Variants in PPM1E observed in about 807,000 individuals in gnomAD.
PPM1E encodes protein phosphatase 1E.
In PPM1E, 20 loss-of-function variants were observed where a neutral mutation model predicts 65.9. That is an observed-to-expected ratio of 0.30 (90% CI 0.21 to 0.44). The LOEUF is 0.44. Among genes scored for constraint, PPM1E ranks in the 20% least tolerant of loss-of-function variants. The pLI, the probability that PPM1E is intolerant of heterozygous loss-of-function variation, is 1.00. For missense variants in PPM1E, 713 were observed against 953.1 expected (o/e 0.75, Z 3.32); for synonymous variants, 352 against 374.9 (o/e 0.94, Z 0.70).
chr17:58,761,670 T>C (rs1471573952), intron 1 of PPM1E, among the ~76,000 whole-genome samples: 2 of 152,222 alleles, frequency 1.3e-5, no homozygotes, highest in Non-Finnish European at 2.9e-5. Flanking sequence ...TTTTTAGTTC[T>C]CTGTTTAACA....
chr17:58,792,815 A>C (rs1431589307), intron 1 of PPM1E, among the ~76,000 whole-genome samples: 3 of 117,808 alleles, frequency 2.5e-5, no homozygotes, highest in African/African-American at 3.5e-5. Context: ...GTGCAGTGGC[A>C]TGATCTCAGC....
intron 1 of PPM1E, among the ~76,000 whole-genome samples, chr17:58,825,560 TTTGTTGTTG>T (rs529746618): frequency 8.0e-4 from 121 of 152,110 alleles, no homozygotes; most frequent in African/African-American, 2.7e-3. Context: ...TCTGTTGTTT[TTTGTTGTTG>T]TTGTTGTTGT....
chr17:58,798,391 A>AT (rs1430067361), intron 1 of PPM1E, among the ~76,000 whole-genome samples: 11 of 151,014 alleles, frequency 7.3e-5, no homozygotes, highest in African/African-American at 2.2e-4. Context: ...ACCACGCCTA[A>AT]TTTTTTTATT....
rs1280493617 is a variant in PPM1E at position 58,972,283 on chromosome 17, T to C, written c.1116+8T>C. ...CACAAACCAGACAGAGAGGTAAGTATGGTCTGTTTTAATAGAGCCCATGCT... is the reference window on the plus strand; with the variant it reads ...CACAAACCAGACAGAGAGGTAAGTACGGTCTGTTTTAATAGAGCCCATGCT... On this transcript the variant is annotated splice_region_variant and intron_variant, in intron 5 of 6. Transcript: ENST00000308249. 1 of 1,613,314 alleles carries C rather than the reference T, an allele frequency of 6.2e-7. No individual in the cohort carries two copies. The highest frequency in any genetic ancestry group is 8.5e-7 in the Non-Finnish European group (1 of 1,179,568).
chr17:58,799,595 G>A (rs761031579), intron 1 of PPM1E, among the ~76,000 whole-genome samples: 31 of 152,142 alleles, frequency 2.0e-4, no homozygotes, highest in Non-Finnish European at 4.0e-4. Flanking sequence ...GGTGTGCACC[G>A]CCACGCCTGG....
At chr17:58,787,409 C>A (rs185849345) in intron 1 of PPM1E, among the ~76,000 whole-genome samples, 2 of 151,426 alleles carry the variant, frequency 1.3e-5, no homozygotes, top group Non-Finnish European at 2.9e-5. Flanking sequence ...TTTTTTTAAC[C>A]CACAGCTAAT....
intron 1 of PPM1E, among the ~76,000 whole-genome samples, chr17:58,926,656 T>C (rs745436948): frequency 1.3e-5 from 2 of 152,200 alleles, no homozygotes; most frequent in Non-Finnish European, 2.9e-5. Context: ...TTCTATTTAA[T>C]TGAAGAGTAG....
chr17:58,879,820 T>C (rs2051172823), intron 1 of PPM1E, among the ~76,000 whole-genome samples: 1 of 152,142 alleles, frequency 6.6e-6, no homozygotes, highest in Non-Finnish European at 1.5e-5. Flanking sequence ...GATTAACTTT[T>C]AAAATATTTG....
At chr17:58,878,698 T>C (rs952845107) in intron 1 of PPM1E, among the ~76,000 whole-genome samples, 3 of 151,054 alleles carry the variant, frequency 2.0e-5, no homozygotes, top group Admixed American at 1.3e-4. Context: ...TTTGGGAGGC[T>C]GAGGTGGGCA....
rs1036373629 is a variant in PPM1E at position 58,776,706 on chromosome 17, G to A, written c.464+20245G>A. Among the ~76,000 whole-genome samples, 3 of 152,256 alleles carry A rather than the reference G, an allele frequency of 2.0e-5. No individual in the cohort carries two copies. In the South Asian group the frequency reaches 6.2e-4, roughly 32 times the overall value. On this transcript the variant is annotated intron_variant, in intron 1 of 6. Transcript: ENST00000308249. ...AGAAATACCCAACTTATGAACTCATGAATATTGGGCTATGTTTTAATATGT... is the reference window on the plus strand; with the variant it reads ...AGAAATACCCAACTTATGAACTCATAAATATTGGGCTATGTTTTAATATGT...
chr17:58,844,186 C>T (rs2050749160), intron 1 of PPM1E, among the ~76,000 whole-genome samples: 1 of 151,936 alleles, frequency 6.6e-6, no homozygotes, highest in Non-Finnish European at 1.5e-5. Context: ...TAAAAGCAAA[C>T]ATGATTAATA....
At chr17:58,932,063 G>T (rs933945464) in intron 1 of PPM1E, among the ~76,000 whole-genome samples, 1 of 152,114 alleles carries the variant, frequency 6.6e-6, no homozygotes, top group African/African-American at 2.4e-5. Flanking sequence ...ATTACTTGAG[G>T]CCAGTAGTTT....
intron 1 of PPM1E, among the ~76,000 whole-genome samples, chr17:58,828,912 C>T (rs866481604): frequency 2.0e-5 from 3 of 152,164 alleles, no homozygotes; most frequent in Non-Finnish European, 4.4e-5. Flanking sequence ...CTCCTGCTAC[C>T]ACTTACTTTC....
intron 1 of PPM1E, among the ~76,000 whole-genome samples, chr17:58,800,063 G>T (rs1301351627): frequency 6.6e-6 from 1 of 152,108 alleles, no homozygotes; most frequent in South Asian, 2.1e-4. Context: ...AATTAGCAAA[G>T]AAAGTAAATC....
intron 1 of PPM1E, among the ~76,000 whole-genome samples, chr17:58,824,119 A>G (rs929650237): frequency 2.6e-5 from 4 of 152,216 alleles, no homozygotes; most frequent in African/African-American, 9.6e-5. Flanking sequence ...AACATGAGTT[A>G]GAGAAAGGGT....
intron 1 of PPM1E, among the ~76,000 whole-genome samples, chr17:58,762,795 G>C (rs2049834898): frequency 6.6e-6 from 1 of 151,396 alleles, no homozygotes; most frequent in Non-Finnish European, 1.5e-5. Flanking sequence ...CTACTTGGGA[G>C]GCTGAGGCAG....
intron 1 of PPM1E, among the ~76,000 whole-genome samples, chr17:58,907,314 A>C (rs1314717375): frequency 1.3e-5 from 2 of 151,938 alleles, no homozygotes; most frequent in Non-Finnish European, 2.9e-5. Flanking sequence ...TATCTTTATG[A>C]TACTCATTTC....
chr17:58,950,836 C>T (rs1164459878), intron 1 of PPM1E, among the ~76,000 whole-genome samples: 13 of 145,272 alleles, frequency 8.9e-5, no homozygotes, highest in South Asian at 6.5e-4. Flanking sequence ...TGGAGTGCAG[C>T]GGCGTGATCT....
At chr17:58,784,552 G>T (rs2050080606) in intron 1 of PPM1E, among the ~76,000 whole-genome samples, 1 of 145,510 alleles carries the variant, frequency 6.9e-6, no homozygotes. Flanking sequence ...TTGAGACGGA[G>T]TCTCACTCTG....
Sources: allele counts gnomAD v4.1 joint callset (sites outside exome capture counted in the v4.1 genomes callset), GRCh38; gene constraint gnomAD v4.1.1; transcripts MANE v1.5; gene names NCBI Gene and HGNC (gene_info 2026-07-23, HGNC 2026-07-21).